The following KLF12 variants were observed in gnomAD, a reference collection of about 807,000 sequenced individuals.
The protein encoded by KLF12 is Krueppel-like factor 12.
KLF12 carries 9 observed loss-of-function variants against 37.8 expected under a neutral mutation model. The observed-to-expected ratio is 0.24, with a 90% CI of 0.14 to 0.42. The LOEUF is 0.42. Among genes scored for constraint, KLF12 ranks in the 10% least tolerant of loss-of-function variants. The pLI is 1.00. For synonymous variants in KLF12, 208 were observed against 202.1 expected (o/e 1.03, Z -0.25); for missense variants, 411 against 516.0 (o/e 0.80, Z 1.97).
chr13:74,192,823 A>G, the KLF12 span, among the ~76,000 whole-genome samples: 1 of 152,226 alleles, frequency 6.6e-6, no homozygotes, highest in Non-Finnish European at 1.5e-5. Context: ...AGATTTTCCA[A>G]GAAAATGAAT....
chr13:73,948,802 A>G (rs1890538033), intron 2 of KLF12, among the ~76,000 whole-genome samples: 1 of 152,206 alleles, frequency 6.6e-6, no homozygotes, highest in African/African-American at 2.4e-5. Flanking sequence ...CACATTAGTG[A>G]ATTCCTCCCT....
chr13:73,812,874 T>A, intron 5 of KLF12: 1 of 259,628 alleles, frequency 3.9e-6, no homozygotes. Flanking sequence ...AAATAACAAT[T>A]TTTTTTTTTT....
chr13:73,730,645 G>C (rs1876994628), intron 6 of KLF12, among the ~76,000 whole-genome samples: 1 of 151,998 alleles, frequency 6.6e-6, no homozygotes, highest in African/African-American at 2.4e-5. Flanking sequence ...GGAAAGTCAG[G>C]GCAAGCTTAA....
chr13:73,919,601 C>G (rs1258252564), intron 3 of KLF12, among the ~76,000 whole-genome samples: 1 of 152,120 alleles, frequency 6.6e-6, no homozygotes, highest in South Asian at 2.1e-4. Context: ...TTTGCCCTAA[C>G]GGGTAAATAA....
At chr13:73,979,481 CAAAG>C (rs1262018081) in intron 2 of KLF12, among the ~76,000 whole-genome samples, 1 of 149,110 alleles carries the variant, frequency 6.7e-6, no homozygotes, top group African/African-American at 2.5e-5. Flanking sequence ...ATTTAGAAGA[CAAAG>C]AATATGAGAA....
intron 4 of KLF12, among the ~76,000 whole-genome samples, chr13:73,830,141 A>ATTAC (rs1443563755): frequency 6.6e-6 from 1 of 152,190 alleles, no homozygotes; most frequent in African/African-American, 2.4e-5. Flanking sequence ...TACTATCTTG[A>ATTAC]TTACTGTAGA....
the KLF12 span, among the ~76,000 whole-genome samples, chr13:74,265,161 T>C: frequency 1.3e-5 from 2 of 152,282 alleles, no homozygotes; most frequent in African/African-American, 4.8e-5. Context: ...AAAAATGTGA[T>C]TGTGGCTTCT....
chr13:74,259,006 A>G, the KLF12 span: 35,517 of 152,212 alleles, frequency 0.23, 6,952 homozygotes, highest in African/African-American at 0.54. Flanking sequence ...GGGCAAGAGA[A>G]CTAGGGTACT....
At chr13:74,062,160 T>C (rs1020519316) in intron 1 of KLF12, among the ~76,000 whole-genome samples, 16 of 152,304 alleles carry the variant, frequency 1.1e-4, no homozygotes, top group East Asian at 3.9e-4. Flanking sequence ...AGTGCACCCA[T>C]GTTAAAGAGT....
At chr13:74,217,186 AG>A in the KLF12 span, among the ~76,000 whole-genome samples, 1 of 152,170 alleles carries the variant, frequency 6.6e-6, no homozygotes, top group African/African-American at 2.4e-5. Context: ...AGTAAAGAAA[AG>A]GGTGGACTTT....
intron 6 of KLF12, among the ~76,000 whole-genome samples, chr13:73,746,810 C>CT (rs776746904): frequency 0.022 from 2,605 of 119,752 alleles, 95 homozygotes; most frequent in South Asian, 0.045. Context: ...TCCCTCCCTC[C>CT]TTTTTTTTTT....
At chr13:73,908,312 G>C (rs1888400097) in intron 3 of KLF12, among the ~76,000 whole-genome samples, 2 of 149,718 alleles carry the variant, frequency 1.3e-5, no homozygotes, top group Admixed American at 6.7e-5. Context: ...TGAGGCGGGA[G>C]AATCGCTTGA....
chr13:74,053,385 A>AT (rs1221532378), intron 1 of KLF12, among the ~76,000 whole-genome samples: 1 of 98,014 alleles, frequency 1.0e-5, no homozygotes, highest in East Asian at 3.9e-4. Context: ...CTTTCCTTCC[A>AT]TTACCACTAA....
chr13:73,806,485 C>A (rs996513831), intron 5 of KLF12, among the ~76,000 whole-genome samples: 1 of 151,996 alleles, frequency 6.6e-6, no homozygotes, highest in African/African-American at 2.4e-5. Flanking sequence ...CCTGTCTCAG[C>A]CTCGAGTAGC....
At chr13:74,224,161 C>G in the KLF12 span, among the ~76,000 whole-genome samples, 1 of 152,130 alleles carries the variant, frequency 6.6e-6, no homozygotes, top group East Asian at 1.9e-4. Context: ...ATGTGATTTC[C>G]AATATACGCA....
At chr13:74,225,504 G>A in the KLF12 span, among the ~76,000 whole-genome samples, 2 of 151,620 alleles carry the variant, frequency 1.3e-5, no homozygotes, top group Admixed American at 6.6e-5. Flanking sequence ...CCTACATTGC[G>A]ATTATTCCTA....
chr13:74,129,812 T>G (rs1878163720), intron 1 of KLF12, among the ~76,000 whole-genome samples: 1 of 152,222 alleles, frequency 6.6e-6, no homozygotes, highest in Non-Finnish European at 1.5e-5. Context: ...AGTAGCCACT[T>G]TATGACAATA....
the KLF12 span, among the ~76,000 whole-genome samples, chr13:74,209,522 TCACACACACACA>T: frequency 1.4e-5 from 2 of 145,996 alleles, no homozygotes; most frequent in African/African-American, 2.5e-5. Context: ...AACATCTTAG[TCACACACACACA>T]CACACACACA....
chr13:73,848,642 T>C (rs1885155056), intron 3 of KLF12, among the ~76,000 whole-genome samples: 1 of 150,568 alleles, frequency 6.6e-6, no homozygotes, highest in Non-Finnish European at 1.5e-5. Flanking sequence ...AGCTAATGCA[T>C]ATTAGCTTTC....
Sources: gnomAD v4.1 joint callset for allele counts (sites outside exome capture counted in the v4.1 genomes callset) on GRCh38, gnomAD v4.1.1 for gene constraint, MANE v1.5 for transcripts, NCBI Gene and HGNC (gene_info 2026-07-23, HGNC 2026-07-21) for gene names.